The following MAST3 variants were observed in gnomAD, a reference collection of about 807,000 sequenced individuals.
The protein encoded by MAST3 is microtubule-associated serine/threonine-protein kinase 3.
A neutral mutation model predicts 127.0 loss-of-function variants in MAST3; 43 were observed. That is an observed-to-expected ratio of 0.34 (90% CI 0.27 to 0.44). MAST3 has a LOEUF of 0.44. Ranked by LOEUF, MAST3 falls within the 20% of genes least tolerant of loss-of-function variation. MAST3 has a pLI of 1.00. For missense variants in MAST3, 1,390 were observed against 1,919.1 expected (o/e 0.72, Z 5.15); for synonymous variants, 785 against 809.2 (o/e 0.97, Z 0.51).
At chr19:18,128,506 A>G (rs1447388291) in intron 12 of MAST3, 48 bp downstream of exon 12, 12 of 1,525,222 alleles carry the variant, frequency 7.9e-6, no homozygotes, top group African/African-American at 2.8e-5. Context: ...TTCTTTCCAG[A>G]GTGGACCAGG....
At chr19:18,109,709 G>T (rs1199316514) in intron 2 of MAST3, among the ~76,000 whole-genome samples, 1 of 152,164 alleles carries the variant, frequency 6.6e-6, no homozygotes, top group Admixed American at 6.6e-5. Flanking sequence ...GTGAGGGGGC[G>T]ACCTTCCTGG....
intron 27 of MAST3, among the ~76,000 whole-genome samples, chr19:18,147,980 C>G (rs922821676): frequency 4.6e-5 from 7 of 151,014 alleles, no homozygotes; most frequent in Non-Finnish European, 5.9e-5. Context: ...CACAGGGAGA[C>G]CCCATCTGTA....
chr19:18,128,815 C>A (rs2040944756), intron 12 of MAST3, 51 bp from the exon 13 acceptor site: 1 of 1,474,164 alleles, frequency 6.8e-7, no homozygotes, highest in Non-Finnish European at 9.4e-7. Context: ...GCAGGAGAAG[C>A]CTTCCCAGCT....
chr19:18,133,086 G>A lies in MAST3; in HGVS notation c.1571+1039G>A, dbSNP rs1036571170. On this transcript the variant is annotated intron_variant, in intron 15 of 27. Transcript: ENST00000687212. ...TGCACCCAAGCCTGGGCGACAGAGC[G>A]AGACTCCATCTTAAAAAAAAAAAAA... is the stretch of plus-strand genomic sequence containing the variant. 1.4e-3 allele frequency among the ~76,000 whole-genome samples: 215 copies of A among 151,360 alleles called. 1 individual carries two copies. Among genetic ancestry groups the A allele is most frequent in the African/African-American group, 5.1e-3 (211 of 41,256 alleles).
chr19:18,107,240 GGTGTGAGCCACC>G (rs1167737692), intron 1 of MAST3, among the ~76,000 whole-genome samples: 1 of 152,082 alleles, frequency 6.6e-6, no homozygotes, highest in African/African-American at 2.4e-5. Flanking sequence ...TGAGATCACA[GGTGTGAGCCACC>G]GTGCCCAGCC....
intron 17 of MAST3, 52 bp from the exon 18 acceptor site, chr19:18,135,688 G>T (rs1599837069): frequency 1.5e-6 from 2 of 1,361,854 alleles, no homozygotes; most frequent in Non-Finnish European, 2.1e-6. Flanking sequence ...CTAGAAAGGG[G>T]TACCCTGCCT....
Position 18,145,769 on chromosome 19 carries a change from G to A in MAST3, c.3066G>A (p.Gln1022=). 6.3e-7 allele frequency: 1 copy of A among 1,587,894 alleles called. No homozygotes were observed. Among genetic ancestry groups the A allele is most frequent in the Non-Finnish European group, 8.5e-7 (1 of 1,170,228 alleles). The change falls in exon 25 of 28, where the codon CAG becomes CAA. Residue 1022 remains glutamine, a synonymous_variant. Coordinates refer to ENST00000687212, the MANE Select transcript of MAST3 (RefSeq NM_001393504.1). This position sits in a 1 kb window ranked among gnomAD's most constrained non-coding sequence, Gnocchi z 5.9. The stretch of plus-strand genomic sequence containing the variant: ...GTGTGGAGGACGGAAGCCCCGCCCA[G>A]GAGGCGGGCCTGCGGGCTGGGGACC... ...VWSVEDGSPA[Q]EAGLRAGDLI...
rs144979045 is a variant in MAST3, at chr19:18,136,576, C to T, written c.1973-663C>T. On this transcript the variant is annotated intron_variant, in intron 18 of 27. Transcript: ENST00000687212. ...AACCACAGGCATGTGCCATCATGCCCGGCTAATTTTTATACTTTTGGTAGA... is the reference window on the plus strand; with the variant it reads ...AACCACAGGCATGTGCCATCATGCCTGGCTAATTTTTATACTTTTGGTAGA... Among the ~76,000 whole-genome samples, 260 of 152,150 alleles carry T rather than the reference C, an allele frequency of 1.7e-3. 2 individuals carry two copies. The highest frequency in any genetic ancestry group is 5.8e-3 in the African/African-American group (242 of 41,506).
chr19:18,101,247 G>T (rs1250114404), intron 1 of MAST3, among the ~76,000 whole-genome samples: 1 of 152,172 alleles, frequency 6.6e-6, no homozygotes, highest in Non-Finnish European at 1.5e-5. Flanking sequence ...CCTGTATCTG[G>T]ACTTTTGTCT....
At chr19:18,139,606 T>C (rs1311855101) in intron 20 of MAST3, among the ~76,000 whole-genome samples, 2 of 151,206 alleles carry the variant, frequency 1.3e-5, no homozygotes, top group Non-Finnish European at 2.9e-5. Flanking sequence ...ATTACAGGCA[T>C]GAGCCACCAC....
intron 20 of MAST3, among the ~76,000 whole-genome samples, chr19:18,140,021 G>T (rs1232851223): frequency 6.7e-6 from 1 of 149,582 alleles, no homozygotes; most frequent in Admixed American, 6.6e-5. Context: ...GGGTTTCACC[G>T]TGTTAGCCAG....
rs764278223 is a variant in MAST3 at position 18,124,794 on chromosome 19, G to A, written c.1078+20G>A. ...TGGAGGGTAAGCCGGGATGGGAAGA[G>A]GAAACCAAGGCTGGGAAAGGCCGGA... On this transcript the variant is annotated intron_variant, in intron 11 of 27. Coordinates refer to ENST00000687212, the MANE Select transcript of MAST3 (RefSeq NM_001393504.1). 1.9e-6 allele frequency: 3 copies of A among 1,571,514 alleles called. No individual in the cohort carries two copies. In the South Asian group the frequency reaches 3.5e-5, roughly 18 times the overall value.
chr19:18,114,629 C>T (rs1344746919), intron 3 of MAST3, among the ~76,000 whole-genome samples: 3 of 152,178 alleles, frequency 2.0e-5, no homozygotes, highest in Non-Finnish European at 4.4e-5. Context: ...AGGGTGTATA[C>T]AGCAGGTGCT....
Position 18,143,807 on chromosome 19 carries a change from CGTCCCAGCCCGAGCGGG to C in MAST3, c.2395_2411del (p.Glu799IlefsTer21). 1.2e-6 allele frequency: 2 copies of C among 1,613,808 alleles called. No individual in the cohort carries two copies. Among genetic ancestry groups the C allele is most frequent in the Non-Finnish European group, 1.7e-6 (2 of 1,179,840 alleles). ...TCTGGATCCTCCTGTCAGTCATCTT[CGTCCCAGCCCGAGCGGG>C]GTCCCAGCCCATCTCTCCTGAATAC... On this transcript the variant is annotated frameshift_variant, in exon 22 of 28. Coordinates refer to ENST00000687212, the MANE Select transcript of MAST3 (RefSeq NM_001393504.1). LOFTEE classifies it high-confidence loss of function.
Position 18,144,936 on chromosome 19 carries a change from T to A in MAST3, c.2813-67T>A. 1.1e-6 allele frequency: 1 copy of A among 948,624 alleles called. No individual in the cohort carries two copies. The highest frequency in any genetic ancestry group is 1.6e-6 in the Non-Finnish European group (1 of 606,446). 58.8% of individuals were successfully genotyped at this position (948,624 alleles called of 1,614,324 possible). A position where few individuals can be genotyped will look rare whatever the true frequency, so the allele number is the denominator to read the frequency against. On this transcript the variant is annotated intron_variant, in intron 23 of 27. Coordinates refer to ENST00000687212, the MANE Select transcript of MAST3 (RefSeq NM_001393504.1). The surrounding 1 kb of genome is among the most constrained non-coding windows in gnomAD (Gnocchi z 4.0). ...AAAGTGGCCAGGGTGGTCGTTGTGG[T>A]GGGAAAGAGGGGGCCCCAGGGGAGA...
At chr19:18,148,376 C>G (rs939248240) in intron 27 of MAST3, among the ~76,000 whole-genome samples, 1 of 151,792 alleles carries the variant, frequency 6.6e-6, no homozygotes, top group African/African-American at 2.4e-5. Context: ...ATGGGAGGCT[C>G]ACTTGAGCCC....
intron 3 of MAST3, among the ~76,000 whole-genome samples, chr19:18,114,348 C>T (rs140408295): frequency 0.025 from 3,780 of 151,712 alleles, 110 homozygotes; most frequent in Admixed American, 0.076. Flanking sequence ...CGCCACCACG[C>T]CCTGCTAGTT....
At chr19:18,121,609 T>C in intron 3 of MAST3, 76 bp from the exon 4 acceptor site, 34 of 1,233,332 alleles carry the variant, frequency 2.8e-5, no homozygotes, top group Non-Finnish European at 3.8e-5. Flanking sequence ...GGGCTGCGAG[T>C]GTGATTTAGG....
At position 18,150,646 on chromosome 19, in the gene MAST3, C is replaced by T. The variant is rs1481080160; in HGVS notation, c.*920C>T. The T allele has an allele frequency of 6.6e-6, 1 of 152,298 alleles. No homozygotes were observed. The highest frequency in any genetic ancestry group is 1.5e-5 in the Non-Finnish European group (1 of 68,098). 9.4% of individuals were successfully genotyped at this position (152,298 alleles called of 1,614,324 possible). The stretch of plus-strand genomic sequence containing the variant: ...GGACTGGATTCTGAAGGCCACTTCC[C>T]ACCATCATAGCTGCCATGCCCAGGC... On this transcript the variant is annotated 3_prime_UTR_variant, in exon 28 of 28. Transcript: ENST00000687212.
Sources: allele counts gnomAD v4.1 joint callset (sites outside exome capture counted in the v4.1 genomes callset), GRCh38; gene constraint gnomAD v4.1.1; non-coding constraint Gnocchi (gnomAD v3.1); transcripts MANE v1.5; gene names NCBI Gene and HGNC (gene_info 2026-07-23, HGNC 2026-07-21).